Variants in RBBP6 observed in about 807,000 individuals in gnomAD.
The protein encoded by RBBP6 is E3 ubiquitin-protein ligase RBBP6.
RBBP6 carries 25 observed loss-of-function variants against 167.7 expected under a neutral mutation model. That is an observed-to-expected ratio of 0.15 (90% CI 0.11 to 0.21). RBBP6 has a LOEUF of 0.21. RBBP6 is among the 10% of genes least tolerant of loss of function. The pLI is 1.00. For missense variants in RBBP6, 1,868 were observed against 2,134.2 expected (o/e 0.88, Z 2.46); for synonymous variants, 789 against 735.8 (o/e 1.07, Z -1.17).
chr16:24,555,379 C>T (rs1204187366), intron 4 of RBBP6: 1 of 398,016 alleles, frequency 2.5e-6, no homozygotes, highest in African/African-American at 2.1e-5. Flanking sequence ...AAGGTACAAA[C>T]AGGGTCTAAG....
intron 8 of RBBP6, among the ~76,000 whole-genome samples, chr16:24,561,275 TG>T (rs1899048299): frequency 6.8e-6 from 1 of 147,004 alleles, no homozygotes; most frequent in Non-Finnish European, 1.5e-5. Context: ...AAAGATGGGG[TG>T]GGGGATCCTT....
chr16:24,567,546 T>C (rs773497921), intron 15 of RBBP6, 41 bp downstream of exon 15: 22 of 1,539,314 alleles, frequency 1.4e-5, no homozygotes, highest in Non-Finnish European at 1.8e-5. Context: ...CTTTTTTCAT[T>C]TTCTGATAAT....
In RBBP6 at chr16:24,562,097, G is replaced by A. The variant is rs1424052134; in HGVS notation, c.1225G>A (p.Val409Ile). 3 of 1,613,398 alleles carry A rather than the reference G, an allele frequency of 1.9e-6. No individual in the cohort carries two copies. Among genetic ancestry groups the A allele is most frequent in the Admixed American group, 1.7e-5 (1 of 60,010 alleles). ...AAATCCGTCTTCTGCTCCAGCTCCT[G>A]TACCTGATATAACTGCAACAGTATC... ...SGNPSSAPAP[V>I]PDITATVSIS... The change falls in exon 10 of 18, where the codon GTA becomes ATA. Residue 409 changes from valine to isoleucine, a missense_variant. By Grantham distance (29) the Val-to-Ile change is conservative. Coordinates refer to ENST00000319715, the MANE Select transcript of RBBP6 (RefSeq NM_006910.5).
chr16:24,571,092 A>G lies in RBBP6; in HGVS notation c.4026A>G (p.Val1342=), dbSNP rs780576507. 1 of 1,612,402 alleles carries G rather than the reference A, an allele frequency of 6.2e-7. No homozygotes were observed. The highest frequency in any genetic ancestry group is 1.3e-5 in the African/African-American group (1 of 74,876). The change falls in exon 18 of 18, where the codon GTA becomes GTG. Residue 1342 remains valine (V), a synonymous_variant. Transcript: ENST00000319715. ...DVKSTQPISS[V]GKPASVIKNV... is the part of the protein sequence containing the mutation. Reference sequence around the variant, plus strand: ...AATCCACACAGCCTATATCAAGTGTAGGAAAACCTGCTAGTGTTATAAAAA... The same window carrying G: ...AATCCACACAGCCTATATCAAGTGTGGGAAAACCTGCTAGTGTTATAAAAA...
Position 24,548,940 on chromosome 16 carries a change from T to C in RBBP6, c.267-5T>C. Reference sequence around the variant, plus strand: ...GTTAATTTTTGTTTTTATTTTGTGTTTTAGAAGTCGAACTGAACCAGCGAT... The same window carrying C: ...GTTAATTTTTGTTTTTATTTTGTGTCTTAGAAGTCGAACTGAACCAGCGAT... On this transcript the variant is annotated splice_polypyrimidine_tract_variant and splice_region_variant and intron_variant, in intron 2 of 17. Transcript: ENST00000319715. 1 of 1,604,864 alleles carries C rather than the reference T, an allele frequency of 6.2e-7. No homozygotes were observed. Among genetic ancestry groups the C allele is most frequent in the Admixed American group, 1.7e-5 (1 of 59,132 alleles).
Position 24,571,115 on chromosome 16 carries a change from A to C in RBBP6, c.4049A>C (p.Lys1350Thr), listed in dbSNP as rs1265027130. ...GTAGGAAAACCTGCTAGTGTTATAAAAAATGTTAGTACAAAGCCATCAAAT... is the reference window on the plus strand; with the variant it reads ...GTAGGAAAACCTGCTAGTGTTATAACAAATGTTAGTACAAAGCCATCAAAT... Reference protein sequence around the residue: ...SSVGKPASVIKNVSTKPSNIV... With the variant: ...SSVGKPASVITNVSTKPSNIV... Residue 1350 changes from lysine to threonine, a missense_variant, in exon 18 of 18, where the codon AAA (lysine) becomes ACA (threonine). This residue lies in a region of RBBP6 where 591 missense variants were observed against 540.5 expected (regional missense o/e 1.09). Coordinates refer to ENST00000319715, the MANE Select transcript of RBBP6 (RefSeq NM_006910.5). 2.5e-6 allele frequency: 4 copies of C among 1,612,908 alleles called. No individual in the cohort carries two copies. Among genetic ancestry groups the C allele is most frequent in the Non-Finnish European group, 3.4e-6 (4 of 1,179,434 alleles).
chr16:24,539,647 C>A lies in RBBP6; in HGVS notation c.-980C>A, dbSNP rs1390207620. ...GTGTCGCCGCCGCTCGGTGAGAGCC[C>A]CCGAGCGGCAGGGGGCCAACACAAA... On this transcript the variant is annotated 5_prime_UTR_variant, in exon 1 of 18. Coordinates refer to ENST00000319715, the MANE Select transcript of RBBP6 (RefSeq NM_006910.5). The A allele has an allele frequency of 6.6e-6, 1 of 152,176 alleles. No individual in the cohort carries two copies. Among genetic ancestry groups the A allele is most frequent in the South Asian group, 2.1e-4 (1 of 4,832 alleles). The allele number at this position is 152,176 out of a possible 1,614,324, so 9.4% of individuals were successfully genotyped here.
intron 1 of RBBP6, among the ~76,000 whole-genome samples, chr16:24,544,293 A>G (rs1402856981): frequency 6.6e-6 from 1 of 152,170 alleles, no homozygotes; most frequent in African/African-American, 2.4e-5. Flanking sequence ...CTTCCTCGGA[A>G]TTTGGGGCTA....
At chr16:24,549,656 C>T (rs1263162550) in intron 3 of RBBP6, among the ~76,000 whole-genome samples, 1 of 151,900 alleles carries the variant, frequency 6.6e-6, no homozygotes, top group African/African-American at 2.4e-5. Flanking sequence ...AAACCTGAAC[C>T]TGGGGCCCCC....
Position 24,567,775 on chromosome 16 carries a change from T to G in RBBP6, c.1953-17T>G, listed in dbSNP as rs1216923906. 6.3e-7 allele frequency: 1 copy of G among 1,580,064 alleles called. No homozygotes were observed. The highest frequency in any genetic ancestry group is 8.7e-7 in the Non-Finnish European group (1 of 1,155,940). On this transcript the variant is annotated splice_polypyrimidine_tract_variant and intron_variant, in intron 15 of 17. Coordinates refer to ENST00000319715, the MANE Select transcript of RBBP6 (RefSeq NM_006910.5). The stretch of plus-strand genomic sequence containing the variant: ...ATGGTTTTTGTTAACTTTCACTCTT[T>G]AACTTTATTTTACTAGGGAAAAGAA...
chr16:24,567,637 A>G (rs1012907278), intron 15 of RBBP6, 132 bp downstream of exon 15: 51 of 1,311,950 alleles, frequency 3.9e-5, no homozygotes, highest in Non-Finnish European at 3.8e-5. Flanking sequence ...AACCAAAGCC[A>G]TACAAGCAAC....
chr16:24,539,639 TG>T lies in RBBP6; in HGVS notation c.-987del, dbSNP rs1177588493. ...GCTTGGAGGTGTCGCCGCCGCTCGG[TG>T]AGAGCCCCCGAGCGGCAGGGGGCCA... On this transcript the variant is annotated 5_prime_UTR_variant, in exon 1 of 18. Transcript: ENST00000319715. 1 of 151,718 alleles carries T rather than the reference TG, an allele frequency of 6.6e-6. No individual in the cohort carries two copies. The highest frequency in any genetic ancestry group is 2.4e-5 in the African/African-American group (1 of 41,266). 9.4% of individuals were successfully genotyped at this position (151,718 alleles called of 1,614,324 possible).
chr16:24,540,438 G>C lies in RBBP6; in HGVS notation c.-189G>C. ...CCCCCATGAAGTGATTCTGAGTATC[G>C]GGGGGTCTCTGGATTATTGTTCTGA... is the stretch of plus-strand genomic sequence containing the variant. On this transcript the variant is annotated 5_prime_UTR_variant, in exon 1 of 18. Coordinates refer to ENST00000319715, the MANE Select transcript of RBBP6 (RefSeq NM_006910.5). The C allele has an allele frequency of 2.1e-6, 1 of 480,706 alleles. No homozygotes were observed. Among genetic ancestry groups the C allele is most frequent in the Non-Finnish European group, 3.6e-6 (1 of 274,430 alleles). 29.8% of individuals were successfully genotyped at this position (480,706 alleles called of 1,614,324 possible).
chr16:24,540,933 C>T, intron 1 of RBBP6, 141 bp downstream of exon 1: 1 of 1,056,270 alleles, frequency 9.5e-7, no homozygotes, highest in Non-Finnish European at 1.3e-6. Flanking sequence ...TCATTGATAG[C>T]CAAGGTTTGC....
In RBBP6 at chr16:24,548,448, T is replaced by A. The variant is rs1898716234; in HGVS notation, c.267-497T>A. ...AATCCTTGATTGTTGTTTTGAGACA[T>A]TTGAAAAATGAAAATAGCTATCAGC... On this transcript the variant is annotated intron_variant, in intron 2 of 17. Coordinates refer to ENST00000319715, the MANE Select transcript of RBBP6 (RefSeq NM_006910.5). 4.6e-5 allele frequency among the ~76,000 whole-genome samples: 7 copies of A among 152,146 alleles called. No individual in the cohort carries two copies. In the South Asian group the frequency reaches 1.5e-3, roughly 32 times the overall value.
chr16:24,561,566 T>G (rs758658948), intron 8 of RBBP6, 46 bp from the exon 9 acceptor site: 17 of 1,374,190 alleles, frequency 1.2e-5, no homozygotes, highest in Non-Finnish European at 1.7e-5. Context: ...GTAAACACTT[T>G]GAGTTCCTAC....
rs1239716684 is a variant in RBBP6 at position 24,571,918 on chromosome 16, T to G, written c.4852T>G (p.Leu1618Val). 4 of 1,613,978 alleles carry G rather than the reference T, an allele frequency of 2.5e-6. No homozygotes were observed. Among genetic ancestry groups the G allele is most frequent in the Non-Finnish European group, 3.4e-6 (4 of 1,179,978 alleles). ...DKSTVKPKPQ[L>V]SHSSRLSSDL... The stretch of plus-strand genomic sequence containing the variant: ...GAGTACTGTCAAGCCTAAACCCCAG[T>G]TAAGTCATTCCTCTAGACTTTCCTC... Residue 1618 changes from leucine to valine, a missense_variant, in exon 18 of 18, where the codon TTA (leucine) becomes GTA (valine). This residue lies in a region of RBBP6 where 591 missense variants were observed against 540.5 expected (regional missense o/e 1.09). Coordinates refer to ENST00000319715, the MANE Select transcript of RBBP6 (RefSeq NM_006910.5).
intron 7 of RBBP6, among the ~76,000 whole-genome samples, chr16:24,557,793 G>T (rs1199527254): frequency 2.0e-5 from 3 of 152,214 alleles, no homozygotes; most frequent in Admixed American, 2.0e-4. Flanking sequence ...TTGTTGAAGT[G>T]TAGTGTAGTG....
chr16:24,571,450 T>G lies in RBBP6; in HGVS notation c.4384T>G (p.Ser1462Ala), dbSNP rs1899330622. 1.2e-6 allele frequency: 2 copies of G among 1,612,870 alleles called. No homozygotes were observed. Among genetic ancestry groups the G allele is most frequent in the South Asian group, 1.1e-5 (1 of 90,784 alleles). The change falls in exon 18 of 18, where the codon TCC becomes GCC. Residue 1462 changes from serine to alanine, a missense_variant. Coordinates refer to ENST00000319715, the MANE Select transcript of RBBP6 (RefSeq NM_006910.5). ...TSDKHDSTRA[S>A]SNKDFTPNRD... ...AGATAAACATGATTCCACTCGTGCT[T>G]CCTCAAATAAAGACTTCACTCCCAA...
Sources: gnomAD v4.1 joint callset for allele counts (sites outside exome capture counted in the v4.1 genomes callset) on GRCh38, gnomAD v4.1.1 for gene constraint, gnomAD v4.1.1 regional missense constraint, MANE v1.5 for transcripts, NCBI Gene and HGNC (gene_info 2026-07-23, HGNC 2026-07-21) for gene names.